BICRAL: variants seen among roughly 807,000 people sequenced by gnomAD.
BICRAL encodes BICRA like chromatin remodeling complex associated protein.
In BICRAL, 8 loss-of-function variants were observed where a neutral mutation model predicts 91.8. The observed-to-expected ratio is 0.09, with a 90% CI of 0.05 to 0.16. BICRAL has a LOEUF of 0.16. Among genes scored for constraint, BICRAL ranks in the 10% least tolerant of loss-of-function variants. BICRAL has a pLI of 1.00. For synonymous variants in BICRAL, 445 were observed against 491.1 expected, an observed-to-expected ratio of 0.91 and a Z score of 1.24; for missense variants, 1,038 against 1,310.9, an observed-to-expected ratio of 0.79 and a Z score of 3.21.
At chr6:42,835,653 C>T (rs1204395886) in intron 6 of BICRAL, among the ~76,000 whole-genome samples, 2 of 152,114 alleles carry the variant, frequency 1.3e-5, no homozygotes, top group Non-Finnish European at 2.9e-5. Flanking sequence ...TTACTTGGGG[C>T]TGGTTGCGGT....
At chr6:42,797,887 A>G (rs925454348) in intron 1 of BICRAL, among the ~76,000 whole-genome samples, 9 of 152,018 alleles carry the variant, frequency 5.9e-5, no homozygotes, top group African/African-American at 2.2e-4. Context: ...GAGGCAGGAG[A>G]ATCACTTGAG....
At chr6:42,791,894 A>G (rs527321238) in intron 1 of BICRAL, among the ~76,000 whole-genome samples, 2 of 152,234 alleles carry the variant, frequency 1.3e-5, no homozygotes, top group Non-Finnish European at 2.9e-5. Context: ...AATATGGTAT[A>G]ACCTACCACA....
In BICRAL at chr6:42,857,544, C is replaced by T. The variant is rs553742984; in HGVS notation, c.2254+308C>T. On this transcript the variant is annotated intron_variant, in intron 10 of 12. Transcript: ENST00000314073. Reference sequence around the variant, plus strand: ...TTGAGACTATAGTGTGCTATGATCACGCCTGTAAATAGCCATTGCACTCCT... The same window carrying T: ...TTGAGACTATAGTGTGCTATGATCATGCCTGTAAATAGCCATTGCACTCCT... 8.8e-5 allele frequency among the ~76,000 whole-genome samples: 13 copies of T among 147,100 alleles called. No homozygotes were observed. In the South Asian group the frequency reaches 2.3e-3, roughly 26 times the overall value.
chr6:42,786,191 A>G (rs190244623), intron 1 of BICRAL, among the ~76,000 whole-genome samples: 1 of 152,310 alleles, frequency 6.6e-6, no homozygotes, highest in Non-Finnish European at 1.5e-5. Context: ...TTCTTCTCAA[A>G]TCGTTGTGTT....
At chr6:42,757,639 G>A (rs1355349451) in intron 1 of BICRAL, among the ~76,000 whole-genome samples, 1 of 152,104 alleles carries the variant, frequency 6.6e-6, no homozygotes, top group Non-Finnish European at 1.5e-5. Context: ...TGTCTGCCTC[G>A]GCCTCCCAAA....
intron 1 of BICRAL, among the ~76,000 whole-genome samples, chr6:42,799,323 G>A (rs1168158995): frequency 1.3e-5 from 2 of 148,684 alleles, no homozygotes; most frequent in Admixed American, 1.3e-4. Flanking sequence ...TTCTGAGATG[G>A]AGTCTTGCTC....
At position 42,864,725 on chromosome 6, in the gene BICRAL, G is replaced by T. The variant is rs1562501575; in HGVS notation, c.2519G>T (p.Gly840Val). 1.2e-6 allele frequency: 2 copies of T among 1,614,130 alleles called. No individual in the cohort carries two copies. Among genetic ancestry groups the T allele is most frequent in the South Asian group, 1.1e-5 (1 of 91,076 alleles). The change falls in exon 13 of 13, where the codon GGC (glycine) becomes GTC (valine). Residue 840 changes from glycine to valine, a missense_variant. By Grantham distance (109) the Gly-to-Val change is moderately radical. Transcript: ENST00000314073. ...AAAGCTGCTCATGAGACACAGTTTG[G>T]CCGGAGTGACCAGCATGGCAGTAAA... ...LDKAAHETQF[G>V]RSDQHGSKAS... is the part of the protein sequence containing the mutation.
At chr6:42,752,280 C>G (rs1313104888) in intron 1 of BICRAL, among the ~76,000 whole-genome samples, 1 of 152,220 alleles carries the variant, frequency 6.6e-6, no homozygotes, top group Non-Finnish European at 1.5e-5. Context: ...ACGTCTAGCA[C>G]ATAGGCTGGC....
chr6:42,757,997 C>G (rs570375945), intron 1 of BICRAL, among the ~76,000 whole-genome samples: 3 of 152,314 alleles, frequency 2.0e-5, no homozygotes, highest in Admixed American at 2.0e-4. Flanking sequence ...TGACCATGCT[C>G]ATGACACCAA....
rs920325212 is a variant in BICRAL, at chr6:42,816,871, G to A, written c.-5-5147G>A. Among the ~76,000 whole-genome samples, 3 of 151,940 alleles carry A rather than the reference G, an allele frequency of 2.0e-5. No homozygotes were observed. In the East Asian group the frequency reaches 5.8e-4, roughly 30 times the overall value. ...CTACTAAAAATACAAAAAATTAGCT[G>A]GGCGTGGTGGTGGGCGCCTGTAGTC... On this transcript the variant is annotated intron_variant, in intron 2 of 12. Transcript: ENST00000314073.
At chr6:42,810,520 T>G (rs530020471) in intron 2 of BICRAL, 119 bp downstream of exon 2, 1 of 152,282 alleles carries the variant, frequency 6.6e-6, no homozygotes, top group South Asian at 2.1e-4. Context: ...AATTACAATA[T>G]AGTAAAAAGA....
chr6:42,802,479 GC>G (rs1763606134), intron 1 of BICRAL, among the ~76,000 whole-genome samples: 2 of 151,074 alleles, frequency 1.3e-5, no homozygotes, highest in South Asian at 4.2e-4. Context: ...ATGGAGTTTC[GC>G]CCTTGTTGCC....
intron 2 of BICRAL, among the ~76,000 whole-genome samples, chr6:42,811,362 C>T (rs2113917715): frequency 6.6e-6 from 1 of 152,326 alleles, no homozygotes; most frequent in East Asian, 1.9e-4. Flanking sequence ...GTGGCTCACG[C>T]CTGTAATCCC....
chr6:42,847,904 C>T (rs1228280506), intron 6 of BICRAL, among the ~76,000 whole-genome samples: 2 of 151,846 alleles, frequency 1.3e-5, no homozygotes, highest in African/African-American at 2.4e-5. Flanking sequence ...CCGAGGCGGG[C>T]GGATCATGAG....
At chr6:42,799,290 C>A (rs1271772269) in intron 1 of BICRAL, among the ~76,000 whole-genome samples, 1 of 150,804 alleles carries the variant, frequency 6.6e-6, no homozygotes, top group Non-Finnish European at 1.5e-5. Flanking sequence ...AGATTCACCA[C>A]TAAATCTTTT....
intron 1 of BICRAL, among the ~76,000 whole-genome samples, chr6:42,788,464 C>G (rs1423218477): frequency 1.3e-5 from 2 of 151,946 alleles, no homozygotes; most frequent in Non-Finnish European, 2.9e-5. Context: ...TCAGGTGATC[C>G]ACGCACCTAG....
chr6:42,768,574 C>T (rs991244399), intron 1 of BICRAL, among the ~76,000 whole-genome samples: 5 of 152,136 alleles, frequency 3.3e-5, no homozygotes, highest in African/African-American at 4.8e-5. Flanking sequence ...GAGGAATAAT[C>T]GTAAGGAAAG....
chr6:42,782,542 G>C (rs1350952925), intron 1 of BICRAL, among the ~76,000 whole-genome samples: 1 of 149,718 alleles, frequency 6.7e-6, no homozygotes, highest in Admixed American at 6.6e-5. Context: ...CGGGGTGGGG[G>C]CCCGGCGCCT....
intron 1 of BICRAL, among the ~76,000 whole-genome samples, chr6:42,798,009 T>C (rs1763461109): frequency 6.6e-6 from 1 of 152,038 alleles, no homozygotes; most frequent in Admixed American, 6.6e-5. Flanking sequence ...GACCCAGATA[T>C]GGAAAAGAAT....
Sources: allele counts gnomAD v4.1 joint callset (sites outside exome capture counted in the v4.1 genomes callset), GRCh38; gene constraint gnomAD v4.1.1; transcripts MANE v1.5; gene names NCBI Gene and HGNC (gene_info 2026-07-23, HGNC 2026-07-21).